Variants in SIPA1L1 observed in about 807,000 individuals in gnomAD.
The protein encoded by SIPA1L1 is signal-induced proliferation-associated 1-like protein 1.
In SIPA1L1, 26 loss-of-function variants were observed where a neutral mutation model predicts 162.7. That is an observed-to-expected ratio of 0.16 (90% CI 0.12 to 0.22). The LOEUF (loss-of-function observed/expected upper bound fraction) is 0.22, where lower values mean the gene tolerates loss of function less well. Ranked by LOEUF, SIPA1L1 falls within the 10% of genes least tolerant of loss-of-function variation. SIPA1L1 has a pLI of 1.00. For synonymous variants in SIPA1L1, 829 were observed against 837.4 expected (o/e 0.99, Z 0.17); for missense variants, 1,874 against 2,241.0 (o/e 0.84, Z 3.31).
chr14:71,651,900 A>G (rs2042649982), intron 8 of SIPA1L1, among the ~76,000 whole-genome samples: 2 of 152,224 alleles, frequency 1.3e-5, no homozygotes, highest in South Asian at 4.1e-4. Context: ...TGCAAAGGCT[A>G]GAGGGGGATG....
chr14:71,381,799 C>T (rs947855557), intron 2 of SIPA1L1, among the ~76,000 whole-genome samples: 1 of 152,114 alleles, frequency 6.6e-6, no homozygotes, highest in Non-Finnish European at 1.5e-5. Context: ...TCTTGGTGCC[C>T]TCTTCTCTGT....
intron 17 of SIPA1L1, among the ~76,000 whole-genome samples, chr14:71,718,326 CTT>C (rs984015283): frequency 6.6e-6 from 1 of 152,174 alleles, no homozygotes; most frequent in African/African-American, 2.4e-5. Flanking sequence ...CTCTCATAAC[CTT>C]TGTGCCTAAA....
intron 13 of SIPA1L1, among the ~76,000 whole-genome samples, chr14:71,697,934 C>CA (rs71929698): frequency 0.31 from 47,059 of 149,850 alleles, 7,682 homozygotes; most frequent in East Asian, 0.46. Context: ...ATTAAAAAAA[C>CA]AAAAAAAAAA....
chr14:71,344,543 C>CTCTG (rs1355860069), intron 2 of SIPA1L1, among the ~76,000 whole-genome samples: 1 of 151,408 alleles, frequency 6.6e-6, no homozygotes, highest in African/African-American at 2.5e-5. Flanking sequence ...TTAAAAATTT[C>CTCTG]TCTATCTGTC....
At position 71,502,255 on chromosome 14, in the gene SIPA1L1, A is replaced by AAAAATATATATATATAT. The variant is rs67020418; in HGVS notation, c.-464-10487_-464-10486insAAATATATATATATATA. Among the ~76,000 whole-genome samples, 155 of 97,482 alleles carry AAAAATATATATATATAT rather than the reference A, an allele frequency of 1.6e-3. 1 individual carries two copies. The highest frequency in any genetic ancestry group is 6.6e-3 in the African/African-American group (145 of 22,046). 64.0% of individuals were successfully genotyped at this position (97,482 alleles called of 152,430 possible). A position where few individuals can be genotyped will look rare whatever the true frequency, so the allele number is the denominator to read the frequency against. ...TTTGAGATACTTGAAAAAAAAAAAAAATATATATATATATATATATATATT... is the reference window on the plus strand; with the variant it reads ...TTTGAGATACTTGAAAAAAAAAAAAAAAAATATATATATATATATATATATATATATATATATATATT... On this transcript the variant is annotated intron_variant, in intron 2 of 23. Transcript: ENST00000381232.
chr14:71,605,880 T>C (rs2037430767), intron 5 of SIPA1L1, among the ~76,000 whole-genome samples: 1 of 152,116 alleles, frequency 6.6e-6, no homozygotes. Context: ...ACCAGTAATG[T>C]TGGCAGTGGG....
Position 71,709,618 on chromosome 14 carries a change from A to G in SIPA1L1, c.4162A>G (p.Arg1388Gly). 2 of 1,614,184 alleles carry G rather than the reference A, an allele frequency of 1.2e-6. No individual in the cohort carries two copies. Among genetic ancestry groups the G allele is most frequent in the South Asian group, 1.1e-5 (1 of 91,078 alleles). ...CCAAGCCGGCTCGACCCCTCTGACA[A>G]GGGAGAACAGCACCTTCAGTATAAA... is the stretch of plus-strand genomic sequence containing the variant. ...KSQAGSTPLT[R>G]ENSTFSINDA... Residue 1388 changes from arginine (R) to glycine (G), a missense_variant, in exon 17 of 24, where the codon AGG becomes GGG. This residue lies in a region of SIPA1L1 where 936 missense variants were observed against 1,051.9 expected (regional missense o/e 0.89). Transcript: ENST00000381232.
At chr14:71,656,608 G>A (rs1009763432) in intron 8 of SIPA1L1, among the ~76,000 whole-genome samples, 4 of 152,180 alleles carry the variant, frequency 2.6e-5, no homozygotes, top group African/African-American at 9.7e-5. Context: ...ATATTTATAT[G>A]TTGTTACATA....
intron 2 of SIPA1L1, among the ~76,000 whole-genome samples, chr14:71,376,316 A>C (rs981240446): frequency 6.0e-5 from 9 of 151,034 alleles, no homozygotes; most frequent in Non-Finnish European, 8.8e-5. Flanking sequence ...GTTTGTTGGC[A>C]TAGTTAAACA....
intron 2 of SIPA1L1, among the ~76,000 whole-genome samples, chr14:71,355,754 A>G (rs1315454418): frequency 6.6e-6 from 1 of 152,262 alleles, no homozygotes. Context: ...GATTGTGAAT[A>G]TAAGCCCTGG....
intron 2 of SIPA1L1, among the ~76,000 whole-genome samples, chr14:71,336,728 C>T (rs1232489873): frequency 2.0e-5 from 3 of 152,298 alleles, no homozygotes; most frequent in East Asian, 3.9e-4. Context: ...CCAGTGCATT[C>T]AGTACATGTG....
At chr14:71,540,154 C>T (rs985847206) in intron 4 of SIPA1L1, among the ~76,000 whole-genome samples, 1 of 152,204 alleles carries the variant, frequency 6.6e-6, no homozygotes, top group African/African-American at 2.4e-5. Context: ...CGATAGTTTA[C>T]ATTGACAAGC....
intron 2 of SIPA1L1, among the ~76,000 whole-genome samples, chr14:71,451,203 G>C (rs2045794382): frequency 6.6e-6 from 1 of 152,132 alleles, no homozygotes; most frequent in Admixed American, 6.5e-5. Context: ...GTTGAACTCA[G>C]AAGTAGATTG....
At chr14:71,467,388 A>G (rs1324551546) in intron 2 of SIPA1L1, 4 of 152,242 alleles carry the variant, frequency 2.6e-5, no homozygotes, top group African/African-American at 7.2e-5. Context: ...TGATGAGATG[A>G]TACTTACATT....
intron 2 of SIPA1L1, among the ~76,000 whole-genome samples, chr14:71,367,864 C>T (rs935936636): frequency 1.3e-5 from 2 of 151,240 alleles, no homozygotes; most frequent in Non-Finnish European, 2.9e-5. Context: ...GCATCGGCCT[C>T]CCAAAGTGCT....
chr14:71,566,928 G>A (rs1288542674), intron 4 of SIPA1L1, among the ~76,000 whole-genome samples: 1 of 151,876 alleles, frequency 6.6e-6, no homozygotes, highest in Non-Finnish European at 1.5e-5. Flanking sequence ...TCTAATGAAG[G>A]GTTAATATCC....
chr14:71,676,490 A>G (rs535871744), intron 12 of SIPA1L1, among the ~76,000 whole-genome samples: 5 of 145,038 alleles, frequency 3.4e-5, no homozygotes, highest in African/African-American at 1.3e-4. Context: ...TTTTAAGTAT[A>G]TATACTTTAA....
intron 3 of SIPA1L1, among the ~76,000 whole-genome samples, chr14:71,514,923 A>G (rs1436956193): frequency 6.6e-6 from 1 of 152,224 alleles, no homozygotes; most frequent in Non-Finnish European, 1.5e-5. Context: ...AAACATCCAA[A>G]TGAATGTTTG....
intron 2 of SIPA1L1, among the ~76,000 whole-genome samples, chr14:71,487,268 G>T (rs1327675710): frequency 1.3e-5 from 2 of 152,144 alleles, no homozygotes; most frequent in African/African-American, 2.4e-5. Flanking sequence ...CTCCTGGCTG[G>T]TTTAGTGGCT....
Sources: gnomAD v4.1 joint callset for allele counts (sites outside exome capture counted in the v4.1 genomes callset) on GRCh38, gnomAD v4.1.1 for gene constraint, gnomAD v4.1.1 regional missense constraint, MANE v1.5 for transcripts, NCBI Gene and HGNC (gene_info 2026-07-23, HGNC 2026-07-21) for gene names.